The following ADD3 variants were observed in gnomAD, a reference collection of about 807,000 sequenced individuals.
ADD3 encodes the protein gamma-adducin.
ADD3 carries 25 observed loss-of-function variants against 80.2 expected under a neutral mutation model. The observed-to-expected ratio is 0.31, with a 90% CI of 0.23 to 0.44. The LOEUF (loss-of-function observed/expected upper bound fraction) is 0.44. ADD3 is among the 20% of genes least tolerant of loss of function. The pLI is 1.00. For missense variants in ADD3, 829 were observed against 847.5 expected (o/e 0.98, Z 0.27); for synonymous variants, 284 against 289.6 (o/e 0.98, Z 0.20).
intron 1 of ADD3, among the ~76,000 whole-genome samples, chr10:110,000,431 C>T (rs971680888): frequency 1.1e-4 from 17 of 152,222 alleles, no homozygotes; most frequent in African/African-American, 4.1e-4. Flanking sequence ...CTGTCAGCTG[C>T]TTAAATAGTG....
At chr10:110,124,496 A>T (rs1021262240) in intron 10 of ADD3, among the ~76,000 whole-genome samples, 18 of 152,188 alleles carry the variant, frequency 1.2e-4, no homozygotes, top group African/African-American at 4.1e-4. Context: ...TCTATTTTAT[A>T]GATGAGAAAA....
intron 3 of ADD3, 75 bp downstream of exon 3, chr10:110,112,990 T>A: frequency 6.7e-7 from 1 of 1,495,408 alleles, no homozygotes; most frequent in South Asian, 1.3e-5. Flanking sequence ...TCTAGCAGCA[T>A]ATTCTGCTCG....
At chr10:110,033,287 C>T (rs1324092601) in intron 1 of ADD3, among the ~76,000 whole-genome samples, 1 of 152,166 alleles carries the variant, frequency 6.6e-6, no homozygotes, top group Non-Finnish European at 1.5e-5. Flanking sequence ...CTTTTCTGAT[C>T]CAGTGTTAGA....
At chr10:110,054,942 T>A (rs1206819926) in intron 1 of ADD3, among the ~76,000 whole-genome samples, 1 of 152,092 alleles carries the variant, frequency 6.6e-6, no homozygotes, top group Non-Finnish European at 1.5e-5. Flanking sequence ...TTTGTATCTT[T>A]AGTAGAGACA....
rs572967602 is a variant in ADD3, at chr10:110,070,313, T to G, written c.-29-30312T>G. On this transcript the variant is annotated intron_variant, in intron 1 of 14. Transcript: ENST00000356080. ...ACAATGTCTCGTTCATTTCTTACAT[T>G]TTTTACCATGATACCTGTTCACTTG... 2.3e-3 allele frequency among the ~76,000 whole-genome samples: 350 copies of G among 152,296 alleles called. 1 individual carries two copies. Among genetic ancestry groups the G allele is most frequent in the Non-Finnish European group, 3.7e-3 (253 of 68,030 alleles).
At chr10:110,053,949 A>G (rs1857823002) in intron 1 of ADD3, among the ~76,000 whole-genome samples, 3 of 152,240 alleles carry the variant, frequency 2.0e-5, no homozygotes, top group Admixed American at 2.0e-4. Context: ...GGTAATGACA[A>G]GAAAACAAAC....
intron 4 of ADD3, 110 bp downstream of exon 4, chr10:110,116,520 T>G (rs1406078584): frequency 1.8e-6 from 2 of 1,095,212 alleles, no homozygotes; most frequent in Non-Finnish European, 2.6e-6. Flanking sequence ...TCTCTAAACC[T>G]AGTATGCTAG....
At chr10:110,027,521 A>C (rs1854454065) in intron 1 of ADD3, among the ~76,000 whole-genome samples, 1 of 152,238 alleles carries the variant, frequency 6.6e-6, no homozygotes, top group Admixed American at 6.5e-5. Context: ...TTCAACATGT[A>C]ATCAGCATAA....
chr10:110,098,570 G>T (rs529111933), intron 1 of ADD3, among the ~76,000 whole-genome samples: 1 of 152,070 alleles, frequency 6.6e-6, no homozygotes, highest in Non-Finnish European at 1.5e-5. Flanking sequence ...TCTGTGACTG[G>T]CTAAAGTTCT....
intron 1 of ADD3, among the ~76,000 whole-genome samples, chr10:110,036,519 A>G (rs1354976341): frequency 6.6e-6 from 1 of 151,624 alleles, no homozygotes; most frequent in Non-Finnish European, 1.5e-5. Flanking sequence ...AGCTGGGACT[A>G]TAGGCGCCTG....
At chr10:110,036,870 G>A (rs1323658007) in intron 1 of ADD3, among the ~76,000 whole-genome samples, 5 of 152,134 alleles carry the variant, frequency 3.3e-5, no homozygotes, top group Non-Finnish European at 1.5e-5. Context: ...TAGATATTAG[G>A]TGAGGAGAAA....
chr10:109,997,087 C>T (rs1479956719), intron 1 of ADD3, among the ~76,000 whole-genome samples: 1 of 152,186 alleles, frequency 6.6e-6, no homozygotes, highest in African/African-American at 2.4e-5. Context: ...AGGCACAGAG[C>T]TCACAGAATT....
At chr10:110,031,041 C>T (rs1163905781) in intron 1 of ADD3, among the ~76,000 whole-genome samples, 3 of 152,022 alleles carry the variant, frequency 2.0e-5, no homozygotes, top group Admixed American at 6.5e-5. Flanking sequence ...TTTGGGAGAC[C>T]GAGGCAGGTG....
intron 1 of ADD3, among the ~76,000 whole-genome samples, chr10:110,067,311 C>T (rs1318431325): frequency 6.6e-6 from 1 of 152,130 alleles, no homozygotes. Context: ...AGTTTCTAGC[C>T]ACATGATTGA....
At chr10:110,097,219 T>C (rs1848272062) in intron 1 of ADD3, among the ~76,000 whole-genome samples, 1 of 152,270 alleles carries the variant, frequency 6.6e-6, no homozygotes, top group Non-Finnish European at 1.5e-5. Flanking sequence ...TGACTGTTTT[T>C]GTTTAATAGC....
intron 1 of ADD3, among the ~76,000 whole-genome samples, chr10:110,017,851 A>G (rs1853180797): frequency 6.6e-6 from 1 of 152,158 alleles, no homozygotes; most frequent in Admixed American, 6.5e-5. Flanking sequence ...ATTATGAGTA[A>G]TGGTCTTGTT....
At chr10:110,113,489 G>A (rs1308418803) in intron 3 of ADD3, among the ~76,000 whole-genome samples, 2 of 152,056 alleles carry the variant, frequency 1.3e-5, no homozygotes, top group African/African-American at 4.8e-5. Context: ...GGCTGGTCTT[G>A]AACTCCTGAC....
intron 1 of ADD3, among the ~76,000 whole-genome samples, chr10:110,008,597 G>C (rs551012263): frequency 6.6e-6 from 1 of 152,324 alleles, no homozygotes; most frequent in Non-Finnish European, 1.5e-5. Flanking sequence ...CGCTTCGCGC[G>C]TCTGCTGGTT....
chr10:109,997,067 T>C (rs1851394702), intron 1 of ADD3, among the ~76,000 whole-genome samples: 2 of 152,232 alleles, frequency 1.3e-5, no homozygotes, highest in Admixed American at 1.3e-4. Context: ...AGGAATTTAT[T>C]GGAAGAATAA....
Sources: gnomAD v4.1 joint callset for allele counts (sites outside exome capture counted in the v4.1 genomes callset) on GRCh38, gnomAD v4.1.1 for gene constraint, MANE v1.5 for transcripts, NCBI Gene and HGNC (gene_info 2026-07-23, HGNC 2026-07-21) for gene names.